RALGAPB: variants seen among roughly 807,000 people sequenced by gnomAD.
RALGAPB encodes the protein ral GTPase-activating protein subunit beta.
RALGAPB carries 25 observed loss-of-function variants against 161.1 expected under a neutral mutation model. That is an observed-to-expected ratio of 0.16 (90% CI 0.11 to 0.22). RALGAPB has a LOEUF of 0.22. Among genes scored for constraint, RALGAPB ranks in the 10% least tolerant of loss-of-function variants. The pLI is 1.00. For synonymous variants in RALGAPB, 629 were observed against 626.1 expected, an observed-to-expected ratio of 1.00 and a Z score of -0.07; for missense variants, 1,391 against 1,815.2, an observed-to-expected ratio of 0.77 and a Z score of 4.25.
intron 19 of RALGAPB, chr20:38,547,859 A>C (rs1486989726): frequency 2.0e-5 from 3 of 151,712 alleles, no homozygotes; most frequent in Non-Finnish European, 4.4e-5. Flanking sequence ...CCAGCCTCCT[A>C]CTCCAAGCCA....
chr20:38,486,132 G>A (rs1182202024), intron 1 of RALGAPB, among the ~76,000 whole-genome samples: 1 of 151,842 alleles, frequency 6.6e-6, no homozygotes, highest in Non-Finnish European at 1.5e-5. Flanking sequence ...ACCATGCCCA[G>A]CTAATTTTTG....
At chr20:38,563,133 T>C (rs2087848472) in intron 24 of RALGAPB, among the ~76,000 whole-genome samples, 1 of 152,186 alleles carries the variant, frequency 6.6e-6, no homozygotes, top group Admixed American at 6.5e-5. Context: ...CAGGGTAACT[T>C]AGTAACAGTT....
At chr20:38,568,269 AAAAC>A (rs1198684270) in intron 26 of RALGAPB, among the ~76,000 whole-genome samples, 2 of 152,168 alleles carry the variant, frequency 1.3e-5, no homozygotes, top group African/African-American at 4.8e-5. Flanking sequence ...AAACAAAAAA[AAAAC>A]AAAGCAAAAC....
At chr20:38,520,496 C>T (rs2086254528) in intron 9 of RALGAPB, among the ~76,000 whole-genome samples, 1 of 143,694 alleles carries the variant, frequency 7.0e-6, no homozygotes, top group Non-Finnish European at 1.5e-5. Flanking sequence ...GTCATGAATT[C>T]CAGGACTTTG....
chr20:38,554,142 A>G, intron 22 of RALGAPB, 66 bp downstream of exon 22: 2 of 1,391,416 alleles, frequency 1.4e-6, no homozygotes, highest in Non-Finnish European at 2.0e-6. Flanking sequence ...CAATAGCTAA[A>G]ATATTTTTAT....
At chr20:38,566,091 C>A (rs1273269245) in intron 25 of RALGAPB, among the ~76,000 whole-genome samples, 1 of 152,162 alleles carries the variant, frequency 6.6e-6, no homozygotes, top group Non-Finnish European at 1.5e-5. Flanking sequence ...GGAAACTTCA[C>A]CTTCTTCTTT....
In RALGAPB at chr20:38,518,015, A is replaced by G; in HGVS notation, c.1417+15A>G. 1 of 1,577,862 alleles carries G rather than the reference A, an allele frequency of 6.3e-7. No homozygotes were observed. The highest frequency in any genetic ancestry group is 8.7e-7 in the Non-Finnish European group (1 of 1,147,232). ...CAGCATGACTGGTAAATATTACTCA[A>G]GAAATATGTTATCATTATTTTCCTT... On this transcript the variant is annotated intron_variant, in intron 9 of 29. Coordinates refer to ENST00000262879, the MANE Select transcript of RALGAPB (RefSeq NM_020336.4).
At chr20:38,564,120 A>G (rs2087896369) in intron 24 of RALGAPB, among the ~76,000 whole-genome samples, 1 of 152,184 alleles carries the variant, frequency 6.6e-6, no homozygotes, top group Admixed American at 6.5e-5. Flanking sequence ...CCTGCTGCAG[A>G]ATAGGGGTGG....
intron 17 of RALGAPB, 38 bp from the exon 18 acceptor site, chr20:38,541,003 G>T (rs1360254681): frequency 2.5e-6 from 4 of 1,603,320 alleles, no homozygotes; most frequent in Admixed American, 1.7e-5. Flanking sequence ...CATGAGAAAG[G>T]TGTGTTCTAA....
chr20:38,552,379 G>T (rs577662688), intron 21 of RALGAPB, among the ~76,000 whole-genome samples: 18 of 152,282 alleles, frequency 1.2e-4, no homozygotes, highest in African/African-American at 4.3e-4. Flanking sequence ...GACCTCAGGT[G>T]ATCCACCCTC....
At chr20:38,487,090 TTGA>T (rs2085137419) in intron 1 of RALGAPB, among the ~76,000 whole-genome samples, 1 of 152,128 alleles carries the variant, frequency 6.6e-6, no homozygotes, top group Non-Finnish European at 1.5e-5. Flanking sequence ...GAGAGGACAT[TTGA>T]GTTGGGCTTT....
chr20:38,497,256 A>G (rs2085453889), intron 3 of RALGAPB, 97 bp from the exon 4 acceptor site: 1 of 1,133,970 alleles, frequency 8.8e-7, no homozygotes, highest in African/African-American at 1.6e-5. Flanking sequence ...AGGGAGCTTC[A>G]TTGGACCACT....
At chr20:38,473,449 GCA>G (rs1482685749) in intron 1 of RALGAPB, among the ~76,000 whole-genome samples, 4 of 152,206 alleles carry the variant, frequency 2.6e-5, no homozygotes, top group Admixed American at 6.5e-5. Context: ...GCTGCCCATT[GCA>G]CAGTGACACT....
intron 23 of RALGAPB, among the ~76,000 whole-genome samples, chr20:38,561,403 G>T (rs933900424): frequency 4.6e-5 from 7 of 152,218 alleles, no homozygotes; most frequent in African/African-American, 1.7e-4. Flanking sequence ...CAGATGTAAT[G>T]AATGTAACTT....
intron 6 of RALGAPB, among the ~76,000 whole-genome samples, chr20:38,511,859 G>C (rs914095817): frequency 2.6e-5 from 4 of 152,104 alleles, no homozygotes; most frequent in Non-Finnish European, 4.4e-5. Flanking sequence ...CCTCCTAGAC[G>C]GGGTGGCGGC....
chr20:38,510,145 C>G (rs1318237800), intron 6 of RALGAPB, among the ~76,000 whole-genome samples: 1 of 146,312 alleles, frequency 6.8e-6, no homozygotes, highest in Non-Finnish European at 1.5e-5. Flanking sequence ...CACACACACA[C>G]ACACACACAC....
intron 7 of RALGAPB, 88 bp downstream of exon 7, chr20:38,516,458 G>T (rs1029387736): frequency 1.6e-6 from 2 of 1,223,730 alleles, no homozygotes; most frequent in Non-Finnish European, 2.2e-6. Context: ...GAAAACATCC[G>T]AAGGAAAAGA....
chr20:38,551,846 G>A (rs2087386385), intron 21 of RALGAPB, among the ~76,000 whole-genome samples: 1 of 152,152 alleles, frequency 6.6e-6, no homozygotes, highest in South Asian at 2.1e-4. Flanking sequence ...ACAGAAGTAT[G>A]TCAGGACATG....
intron 29 of RALGAPB, among the ~76,000 whole-genome samples, 191 bp from the exon 30 acceptor site, chr20:38,574,582 CT>C (rs563495867): frequency 2.0e-5 from 3 of 152,098 alleles, no homozygotes; most frequent in Non-Finnish European, 4.4e-5. Flanking sequence ...TTTGATTCTC[CT>C]TTTCCTTGTC....
Sources: gnomAD v4.1 joint callset for allele counts (sites outside exome capture counted in the v4.1 genomes callset) on GRCh38, gnomAD v4.1.1 for gene constraint, MANE v1.5 for transcripts, NCBI Gene and HGNC (gene_info 2026-07-23, HGNC 2026-07-21) for gene names.